LITAF: variants seen among roughly 807,000 people sequenced by gnomAD.
LITAF encodes lipopolysaccharide-induced tumor necrosis factor-alpha factor.
LITAF carries 9 observed loss-of-function variants against 14.5 expected under a neutral mutation model. That is an observed-to-expected ratio of 0.62 (90% CI 0.37 to 1.08). LITAF has a LOEUF of 1.08. Ranked by LOEUF, LITAF falls within the 50% of genes least tolerant of loss-of-function variation. LITAF has a pLI of 0.01. For missense variants in LITAF, 206 were observed against 213.4 expected, an observed-to-expected ratio of 0.97 and a Z score of 0.22; for synonymous variants, 98 against 88.2, an observed-to-expected ratio of 1.11 and a Z score of -0.62.
upstream of LITAF, among the ~76,000 whole-genome samples, chr16:11,590,922 A>G: frequency 8.7e-6 from 1 of 115,300 alleles, no homozygotes; most frequent in Non-Finnish European, 1.7e-5. Context: ...TAGTAGAGAC[A>G]GAGTTTCATC....
Position 11,558,858 on chromosome 16 carries a change from G to C in LITAF, c.-5-2123C>G, listed in dbSNP as rs564773530. On this transcript the variant is annotated intron_variant, in intron 1 of 3. Coordinates refer to ENST00000622633, the MANE Select transcript of LITAF (RefSeq NM_001136472.2). This position sits in a 1 kb window ranked among gnomAD's most constrained non-coding sequence, Gnocchi z 4.1. ...GTGTTCAAGACTTCTTTCTATCAGAGTGCTGTCCAACAGAATCTTCTGTGA... is the reference window on the plus strand; with the variant it reads ...GTGTTCAAGACTTCTTTCTATCAGACTGCTGTCCAACAGAATCTTCTGTGA... Among the ~76,000 whole-genome samples, 74 of 152,298 alleles carry C rather than the reference G, an allele frequency of 4.9e-4. No individual in the cohort carries two copies. Among genetic ancestry groups the C allele is most frequent in the African/African-American group, 1.7e-3 (72 of 41,570 alleles).
intron 1 of LITAF, among the ~76,000 whole-genome samples, chr16:11,563,527 G>A (rs1265052805): frequency 2.6e-5 from 4 of 152,070 alleles, no homozygotes; most frequent in Non-Finnish European, 5.9e-5. Flanking sequence ...ACTCTGGAGG[G>A]ATCACCTCTC....
intron 3 of LITAF, among the ~76,000 whole-genome samples, chr16:11,615,839 G>A (rs1228902556): frequency 6.6e-6 from 1 of 152,202 alleles, no homozygotes; most frequent in Non-Finnish European, 1.5e-5. Context: ...GTATGCTAAT[G>A]GGATGACTCA....
At chr16:11,571,409 G>C (rs1277691712) in intron 1 of LITAF, among the ~76,000 whole-genome samples, 1 of 152,152 alleles carries the variant, frequency 6.6e-6, no homozygotes, top group Non-Finnish European at 1.5e-5. Flanking sequence ...GCAGACTTCA[G>C]GCTCCAGAAC....
rs113756062 is a variant in LITAF, at chr16:11,634,067, C to G, written c.-20-430G>C. ...ACACATGCAGAGGGACATACAGAAC[C>G]TCAACAACTCACATGCAAATGGACA... On this transcript the variant is annotated intron_variant, in intron 2 of 3. Transcript: ENST00000574848. The surrounding 1 kb of genome is among the most constrained non-coding windows in gnomAD (Gnocchi z 4.1). 0.022 allele frequency among the ~76,000 whole-genome samples: 3,356 copies of G among 152,284 alleles called. 120 individuals are homozygous for G. The highest frequency in any genetic ancestry group is 0.076 in the African/African-American group (3,153 of 41,538).
Position 11,556,606 on chromosome 16 carries a change from C to G in LITAF, c.125G>C (p.Gly42Ala). The G allele has an allele frequency of 1.2e-6, 2 of 1,614,128 alleles. No individual in the cohort carries two copies. The highest frequency in any genetic ancestry group is 1.3e-5 in the African/African-American group (1 of 75,006). ...YYPTPPAPMPGPTTGLVTGPD... is the reference protein window; with the variant it reads ...YYPTPPAPMPAPTTGLVTGPD... ...CCCCGTCACAAGCCCCGTAGTTGGC[C>G]CAGGCATGGGAGCTGGAGGTGTGGG... Residue 42 changes from glycine (G) to alanine (A), a missense_variant, in exon 2 of 4, where the codon GGG (glycine) becomes GCG (alanine). Coordinates refer to ENST00000622633, the MANE Select transcript of LITAF (RefSeq NM_001136472.2).
chr16:11,560,702 G>A (rs1034124716), intron 1 of LITAF, among the ~76,000 whole-genome samples: 2 of 152,174 alleles, frequency 1.3e-5, no homozygotes, highest in African/African-American at 2.4e-5. Flanking sequence ...TAGAGAAGGG[G>A]AAAGGCCCAA....
chr16:11,626,135 T>C (rs2065082381), intron 3 of LITAF, among the ~76,000 whole-genome samples: 1 of 151,994 alleles, frequency 6.6e-6, no homozygotes, highest in Non-Finnish European at 1.5e-5. Context: ...AGTTCCCCTA[T>C]GTTTGTGAGA....
chr16:11,548,403 G>C lies in LITAF; in HGVS notation c.*1234C>G, dbSNP rs1399283662. 8.8e-6 allele frequency: 4 copies of C among 453,814 alleles called. No individual in the cohort carries two copies. Among genetic ancestry groups the C allele is most frequent in the South Asian group, 4.7e-5 (3 of 64,468 alleles). The allele number at this position is 453,814 out of a possible 1,614,324, so 28.1% of individuals were successfully genotyped here. ...TCAGACTTTAGATTCCTCTGAAACA[G>C]TTCTGGTTCCCAAGCATCCGCACCA... On this transcript the variant is annotated 3_prime_UTR_variant, in exon 4 of 4. Transcript: ENST00000622633.
chr16:11,580,393 G>A (rs955274270), intron 1 of LITAF, among the ~76,000 whole-genome samples: 1 of 152,072 alleles, frequency 6.6e-6, no homozygotes, highest in African/African-American at 2.4e-5. Context: ...GAGTAGCTGG[G>A]ATTACAGATG....
chr16:11,571,183 C>T (rs1253469415), intron 1 of LITAF, among the ~76,000 whole-genome samples: 2 of 152,032 alleles, frequency 1.3e-5, no homozygotes, highest in African/African-American at 4.8e-5. Flanking sequence ...TTCTCCTGCC[C>T]CAGCCTTCTG....
intron 1 of LITAF, among the ~76,000 whole-genome samples, chr16:11,559,295 T>G (rs2064321084): frequency 6.6e-6 from 1 of 152,160 alleles, no homozygotes; most frequent in Admixed American, 6.5e-5. Flanking sequence ...AGTGAAGAAC[T>G]GAATTTTTTT....
chr16:11,636,630 CA>C (rs564671446), upstream of LITAF, among the ~76,000 whole-genome samples: 7 of 152,130 alleles, frequency 4.6e-5, no homozygotes, highest in Non-Finnish European at 8.8e-5. Flanking sequence ...CACACGATGA[CA>C]AAGAAAAGGG....
chr16:11,572,513 T>G lies in LITAF; in HGVS notation c.-6+14373A>C, dbSNP rs12922435. Among the ~76,000 whole-genome samples the G allele has an allele frequency of 8.3e-3, 1,252 of 151,480 alleles. 18 individuals carry two copies. Among genetic ancestry groups the G allele is most frequent in the African/African-American group, 0.029 (1,177 of 40,942 alleles). On this transcript the variant is annotated intron_variant, in intron 1 of 3. Coordinates refer to ENST00000622633, the MANE Select transcript of LITAF (RefSeq NM_001136472.2). ...ACCTGCTGACGGGACATCACACACCTGCTGACGGGACATCACACACCGGCT... is the reference window on the plus strand; with the variant it reads ...ACCTGCTGACGGGACATCACACACCGGCTGACGGGACATCACACACCGGCT...
intron 1 of LITAF, among the ~76,000 whole-genome samples, chr16:11,573,701 CTTT>C (rs58695999): frequency 0.27 from 29,901 of 111,570 alleles, 3,814 homozygotes; most frequent in East Asian, 0.6. Flanking sequence ...AGAAGATATC[CTTT>C]TTTTTTTTTT....
In LITAF at chr16:11,609,461, G is replaced by A. The variant is rs182055976; in HGVS notation, c.85+24072C>T. On this transcript the variant is annotated intron_variant, in intron 3 of 3. Coordinates refer to the LITAF transcript ENST00000574848. ...ACTCCTGACCTCAAGTGATCCACCC[G>A]TCTCGGCCTCCCAAAGCGCTGGAAT... is the stretch of plus-strand genomic sequence containing the variant. Among the ~76,000 whole-genome samples the A allele has an allele frequency of 7.2e-5, 11 of 152,156 alleles. No homozygotes were observed. The East Asian group carries it at 9.7e-4, about 13-fold the overall frequency.
At chr16:11,578,278 C>T (rs2064674032) in intron 1 of LITAF, among the ~76,000 whole-genome samples, 1 of 152,186 alleles carries the variant, frequency 6.6e-6, no homozygotes, top group Admixed American at 6.5e-5. Context: ...AACAGAGTCG[C>T]CAGGCGTGGT....
intron 1 of LITAF, among the ~76,000 whole-genome samples, chr16:11,557,074 G>GTTTGTTT (rs2064283889): frequency 6.7e-6 from 1 of 149,206 alleles, no homozygotes; most frequent in South Asian, 2.1e-4. Flanking sequence ...GTTTTTTTTT[G>GTTTGTTT]TTTGTTTTTT....
In LITAF at chr16:11,605,208, G is replaced by A. The variant is rs2141870532; in HGVS notation, c.85+28325C>T. ...AGCATCCCCCCAGCCAGCTCTGGAT[G>A]GAGGATGAGCTGAATTACGCACCGT... On this transcript the variant is annotated intron_variant, in intron 3 of 3. Coordinates refer to the LITAF transcript ENST00000574848. The surrounding 1 kb of genome is among the most constrained non-coding windows in gnomAD (Gnocchi z 4.7). 6.6e-6 allele frequency among the ~76,000 whole-genome samples: 1 copy of A among 152,310 alleles called. No homozygotes were observed. The highest frequency in any genetic ancestry group is 1.5e-5 in the Non-Finnish European group (1 of 68,022).
Sources: gnomAD v4.1 joint callset for allele counts (sites outside exome capture counted in the v4.1 genomes callset) on GRCh38, gnomAD v4.1.1 for gene constraint, Gnocchi (gnomAD v3.1) non-coding constraint, MANE v1.5 for transcripts, NCBI Gene and HGNC (gene_info 2026-07-23, HGNC 2026-07-21) for gene names.